Variants in SPOCK1 observed in about 807,000 individuals in gnomAD.
SPOCK1 encodes testican-1.
In SPOCK1, 23 loss-of-function variants were observed where a neutral mutation model predicts 55.3. The ratio of observed to expected loss-of-function variants is 0.42; its 90% CI spans 0.30 to 0.59. The LOEUF (loss-of-function observed/expected upper bound fraction) is 0.59. Among genes scored for constraint, SPOCK1 ranks in the 20% least tolerant of loss-of-function variants. The pLI is 0.22. For synonymous variants in SPOCK1, 226 were observed against 221.0 expected (o/e 1.02, Z -0.20); for missense variants, 499 against 552.5 (o/e 0.90, Z 0.97).
chr5:137,268,604 A>T (rs1250190154), intron 2 of SPOCK1, among the ~76,000 whole-genome samples: 1 of 152,180 alleles, frequency 6.6e-6, no homozygotes, highest in African/African-American at 2.4e-5. Context: ...TTTAGCACCC[A>T]ATTTCTAGGT....
At position 136,978,274 on chromosome 5, in the gene SPOCK1, A is replaced by G. The variant is rs1382782425; in HGVS notation, c.*380T>C. 7 of 304,034 alleles carry G rather than the reference A, an allele frequency of 2.3e-5. No homozygotes were observed. Among genetic ancestry groups the G allele is most frequent in the East Asian group, 5.4e-5 (1 of 18,514 alleles). 18.8% of individuals were successfully genotyped at this position (304,034 alleles called of 1,614,324 possible). A position where few individuals can be genotyped will look rare whatever the true frequency, so the allele number is the denominator to read the frequency against. On this transcript the variant is annotated 3_prime_UTR_variant, in exon 11 of 11. Coordinates refer to ENST00000394945, the MANE Select transcript of SPOCK1 (RefSeq NM_004598.4). ...CTGTAAGGCTGGGAACCATGCTGTA[A>G]TAACCACCAGTGTGGGTAATCAAAA...
chr5:137,447,214 A>G (rs1167291226), intron 2 of SPOCK1, among the ~76,000 whole-genome samples: 1 of 152,192 alleles, frequency 6.6e-6, no homozygotes, highest in Non-Finnish European at 1.5e-5. Context: ...ATTGTTTCCT[A>G]ATATAAATTA....
intron 6 of SPOCK1, among the ~76,000 whole-genome samples, chr5:137,059,077 A>G (rs1267640453): frequency 1.0e-5 from 1 of 95,388 alleles, no homozygotes; most frequent in African/African-American, 3.4e-5. Flanking sequence ...TGCAAAAAAA[A>G]GAAGGTAAGG....
intron 6 of SPOCK1, among the ~76,000 whole-genome samples, chr5:137,035,211 G>A (rs1005178983): frequency 6.6e-6 from 1 of 152,216 alleles, no homozygotes; most frequent in Admixed American, 6.5e-5. Context: ...AAGGAGGAGA[G>A]GGAGAAAGCA....
intron 5 of SPOCK1, among the ~76,000 whole-genome samples, chr5:137,107,172 A>G (rs1020182487): frequency 5.3e-5 from 8 of 152,130 alleles, no homozygotes; most frequent in African/African-American, 1.9e-4. Context: ...CAATTTGTCT[A>G]CCTTCCTTGT....
At chr5:137,483,171 A>G (rs2149842999) in intron 2 of SPOCK1, among the ~76,000 whole-genome samples, 1 of 152,276 alleles carries the variant, frequency 6.6e-6, no homozygotes, top group East Asian at 1.9e-4. Context: ...TGTCTCCACT[A>G]CAAATACAAA....
chr5:136,990,581 C>T (rs1016454678), intron 7 of SPOCK1, among the ~76,000 whole-genome samples: 4 of 150,530 alleles, frequency 2.7e-5, no homozygotes, highest in Non-Finnish European at 4.4e-5. Flanking sequence ...AGAGAGGCTA[C>T]GGGACATAAC....
intron 4 of SPOCK1, among the ~76,000 whole-genome samples, chr5:137,134,867 G>A (rs1361619714): frequency 1.3e-5 from 2 of 152,208 alleles, no homozygotes; most frequent in Admixed American, 6.5e-5. Context: ...CTCTGACCTC[G>A]AACACTTTGA....
chr5:137,023,878 T>C (rs1751618363), intron 6 of SPOCK1, among the ~76,000 whole-genome samples: 1 of 151,050 alleles, frequency 6.6e-6, no homozygotes, highest in Admixed American at 6.6e-5. Flanking sequence ...TATAGCACAA[T>C]GCAAATAAAG....
At chr5:137,107,543 G>A (rs1753392484) in intron 5 of SPOCK1, among the ~76,000 whole-genome samples, 1 of 152,158 alleles carries the variant, frequency 6.6e-6, no homozygotes, top group Non-Finnish European at 1.5e-5. Flanking sequence ...TTATTGCCAT[G>A]TAACATCTTA....
In SPOCK1 at chr5:137,084,144, C is replaced by T. The variant is rs1752919664; in HGVS notation, c.475-16315G>A. On this transcript the variant is annotated intron_variant, in intron 5 of 10. Coordinates refer to ENST00000394945, the MANE Select transcript of SPOCK1 (RefSeq NM_004598.4). ...TCCCCCTCTGCCAGCCCCACCTCCA[C>T]CCCATGCAGACTCAGGAAGCTATGG... 2.0e-5 allele frequency among the ~76,000 whole-genome samples: 3 copies of T among 152,080 alleles called. No homozygotes were observed. The South Asian group carries it at 6.2e-4, about 32-fold the overall frequency.
chr5:137,424,291 C>G (rs7733758), intron 2 of SPOCK1, among the ~76,000 whole-genome samples: 139,977 of 152,224 alleles, frequency 0.92, 65,126 homozygotes, highest in East Asian at 1. Context: ...TGAGGTGGGA[C>G]GATCACTTGA....
chr5:137,136,586 A>C (rs1487642524), intron 4 of SPOCK1, among the ~76,000 whole-genome samples: 3 of 152,206 alleles, frequency 2.0e-5, no homozygotes, highest in Admixed American at 6.5e-5. Flanking sequence ...CAATATTTTA[A>C]TTACTGTTTT....
intron 2 of SPOCK1, among the ~76,000 whole-genome samples, chr5:137,434,581 G>A (rs1367459184): frequency 7.7e-6 from 1 of 129,156 alleles, no homozygotes; most frequent in East Asian, 2.5e-4. Context: ...CTCACTGCAA[G>A]CTCCGCCTCC....
Position 137,372,032 on chromosome 5 carries a change from A to T in SPOCK1, c.187-104977T>A, listed in dbSNP as rs554690536. Among the ~76,000 whole-genome samples the T allele has an allele frequency of 5.1e-4, 77 of 152,306 alleles. 1 individual carries two copies. The highest frequency in any genetic ancestry group is 1.8e-3 in the African/African-American group (74 of 41,556). ...ATTTTATTTAACCCAACATATCCAA[A>T]CTATCATTTCAACATGCCATCAATA... is the stretch of plus-strand genomic sequence containing the variant. On this transcript the variant is annotated intron_variant, in intron 2 of 10. Coordinates refer to ENST00000394945, the MANE Select transcript of SPOCK1 (RefSeq NM_004598.4).
intron 2 of SPOCK1, among the ~76,000 whole-genome samples, chr5:137,343,018 A>C (rs572166550): frequency 1.3e-5 from 2 of 152,362 alleles, no homozygotes; most frequent in East Asian, 3.9e-4. Flanking sequence ...GTTAAACCAA[A>C]AGAACTGTAT....
intron 6 of SPOCK1, among the ~76,000 whole-genome samples, chr5:137,031,374 C>T (rs1321637647): frequency 6.6e-6 from 1 of 152,178 alleles, no homozygotes; most frequent in Non-Finnish European, 1.5e-5. Context: ...TTAACATAAT[C>T]CAGTGGACTT....
chr5:137,254,149 C>T (rs1318219762), intron 3 of SPOCK1, among the ~76,000 whole-genome samples: 1 of 152,174 alleles, frequency 6.6e-6, no homozygotes. Flanking sequence ...AGATGCCTGA[C>T]AACATTTACA....
chr5:137,428,252 T>C (rs1752675092), intron 2 of SPOCK1, among the ~76,000 whole-genome samples: 1 of 152,218 alleles, frequency 6.6e-6, no homozygotes, highest in Non-Finnish European at 1.5e-5. Context: ...GGGTAGACTG[T>C]ATCCTTTATA....
Sources: allele counts gnomAD v4.1 joint callset (sites outside exome capture counted in the v4.1 genomes callset), GRCh38; gene constraint gnomAD v4.1.1; transcripts MANE v1.5; gene names NCBI Gene and HGNC (gene_info 2026-07-23, HGNC 2026-07-21).